AGBL4: variants seen among roughly 807,000 people sequenced by gnomAD.
AGBL4 encodes cytosolic carboxypeptidase 6.
In AGBL4, 58 loss-of-function variants were observed where a neutral mutation model predicts 66.4. The observed-to-expected ratio is 0.87, with a 90% CI of 0.71 to 1.09. The LOEUF (loss-of-function observed/expected upper bound fraction) is 1.09. AGBL4 is among the 50% of genes least tolerant of loss of function. The pLI is 0.00. For missense variants in AGBL4, 579 were observed against 631.0 expected (o/e 0.92, Z 0.88); for synonymous variants, 234 against 222.9 (o/e 1.05, Z -0.44).
At chr1:49,410,305 A>G (rs1645290856) in intron 3 of AGBL4, among the ~76,000 whole-genome samples, 1 of 152,128 alleles carries the variant, frequency 6.6e-6, no homozygotes, top group South Asian at 2.1e-4. Flanking sequence ...ACCTGAAGAC[A>G]ATATGCTCCT....
intron 3 of AGBL4, among the ~76,000 whole-genome samples, chr1:49,314,629 A>G (rs1255096331): frequency 2.6e-5 from 4 of 152,094 alleles, no homozygotes; most frequent in African/African-American, 7.2e-5. Context: ...CCAGTCTATC[A>G]TTGATGAGCA....
intron 3 of AGBL4, among the ~76,000 whole-genome samples, chr1:49,549,841 T>A (rs1460602983): frequency 1.3e-5 from 2 of 152,206 alleles, no homozygotes; most frequent in African/African-American, 4.8e-5. Context: ...CTTTGTTGAT[T>A]TTCTGCCTTG....
intron 11 of AGBL4, among the ~76,000 whole-genome samples, chr1:48,571,864 C>T (rs1007242087): frequency 7.9e-5 from 12 of 152,092 alleles, no homozygotes; most frequent in African/African-American, 2.9e-4. Context: ...CTGGTTGTCC[C>T]TTAACTCAGT....
chr1:50,010,577 G>A (rs1402187219), intron 1 of AGBL4, among the ~76,000 whole-genome samples: 2 of 151,876 alleles, frequency 1.3e-5, no homozygotes, highest in Non-Finnish European at 2.9e-5. Flanking sequence ...ATATGATAGA[G>A]CTATAGTAAC....
intron 1 of AGBL4, among the ~76,000 whole-genome samples, chr1:49,914,182 T>C (rs1651149727): frequency 6.6e-6 from 1 of 152,224 alleles, no homozygotes; most frequent in African/African-American, 2.4e-5. Flanking sequence ...GCTTCCCTTT[T>C]GATTATAAAT....
At chr1:49,870,066 C>T (rs1646801552) in intron 1 of AGBL4, among the ~76,000 whole-genome samples, 1 of 152,072 alleles carries the variant, frequency 6.6e-6, no homozygotes, top group Non-Finnish European at 1.5e-5. Context: ...CAAAATATCA[C>T]ATGTACTTCA....
chr1:50,004,422 G>A (rs1177846066), intron 1 of AGBL4, among the ~76,000 whole-genome samples: 5 of 152,156 alleles, frequency 3.3e-5, no homozygotes, highest in Non-Finnish European at 7.4e-5. Context: ...GAGACACTGT[G>A]AGAAACCAGC....
chr1:49,845,081 G>T (rs1034126912), intron 2 of AGBL4: 8 of 1,452,236 alleles, frequency 5.5e-6, no homozygotes, highest in Non-Finnish European at 7.6e-6. Context: ...CCCTACAAAT[G>T]TCAGGAATGC....
chr1:49,236,228 A>G (rs1202125931), intron 4 of AGBL4, among the ~76,000 whole-genome samples: 2 of 151,850 alleles, frequency 1.3e-5, no homozygotes, highest in Non-Finnish European at 2.9e-5. Context: ...GGGTTTCACC[A>G]TGTTGGCCAG....
chr1:49,822,390 G>T (rs372556133), intron 2 of AGBL4, among the ~76,000 whole-genome samples: 1 of 151,766 alleles, frequency 6.6e-6, no homozygotes, highest in African/African-American at 2.4e-5. Context: ...ATGTAGTGGC[G>T]TGATCTAGGC....
chr1:49,319,791 A>G lies in AGBL4; in HGVS notation c.283-73927T>C, dbSNP rs186472319. Reference sequence around the variant, plus strand: ...TCATCAAATGGCAGAAGGCAAGAGGAAGAAGACAGAGAAAGAGGAGGCTAA... The same window carrying G: ...TCATCAAATGGCAGAAGGCAAGAGGGAGAAGACAGAGAAAGAGGAGGCTAA... On this transcript the variant is annotated intron_variant, in intron 3 of 13. Transcript: ENST00000371839. Among the ~76,000 whole-genome samples the G allele has an allele frequency of 2.3e-4, 35 of 152,316 alleles. No individual in the cohort carries two copies. In the East Asian group the frequency reaches 5.6e-3, roughly 24 times the overall value.
intron 1 of AGBL4, among the ~76,000 whole-genome samples, chr1:49,992,875 A>G (rs1292007986): frequency 6.6e-6 from 1 of 152,226 alleles, no homozygotes; most frequent in Non-Finnish European, 1.5e-5. Flanking sequence ...CTAAGGGAAC[A>G]CACTATAACT....
At chr1:49,444,754 C>T (rs1210757849) in intron 3 of AGBL4, among the ~76,000 whole-genome samples, 6 of 152,084 alleles carry the variant, frequency 3.9e-5, no homozygotes, top group Admixed American at 6.5e-5. Context: ...TTAATTGGAG[C>T]ACACAATCTG....
At chr1:49,216,498 A>T (rs1243810661) in intron 4 of AGBL4, among the ~76,000 whole-genome samples, 1 of 152,190 alleles carries the variant, frequency 6.6e-6, no homozygotes, top group Non-Finnish European at 1.5e-5. Flanking sequence ...TATAAGTGAG[A>T]ACATACAGTA....
intron 1 of AGBL4, among the ~76,000 whole-genome samples, chr1:49,853,784 A>G (rs1571719454): frequency 1.3e-5 from 2 of 152,166 alleles, no homozygotes; most frequent in African/African-American, 4.8e-5. Flanking sequence ...GTAATGATAT[A>G]TTGAAATTAC....
chr1:50,009,573 A>G (rs1374676577), intron 1 of AGBL4, among the ~76,000 whole-genome samples: 3 of 152,182 alleles, frequency 2.0e-5, no homozygotes, highest in Non-Finnish European at 4.4e-5. Flanking sequence ...TGAATAGGGA[A>G]AAACTGAAGG....
chr1:49,973,997 A>C (rs1658357624), intron 1 of AGBL4, among the ~76,000 whole-genome samples: 1 of 152,096 alleles, frequency 6.6e-6, no homozygotes, highest in African/African-American at 2.4e-5. Context: ...TAACTTTTTT[A>C]TTACTATGGC....
chr1:49,885,803 TAAAAC>T (rs1465669463), intron 1 of AGBL4, among the ~76,000 whole-genome samples: 1 of 151,980 alleles, frequency 6.6e-6, no homozygotes, highest in Non-Finnish European at 1.5e-5. Context: ...CTAAAAACAA[TAAAAC>T]AAATAATGAA....
intron 6 of AGBL4, among the ~76,000 whole-genome samples, chr1:48,691,453 G>C (rs1646630920): frequency 6.6e-6 from 1 of 152,078 alleles, no homozygotes; most frequent in African/African-American, 2.4e-5. Flanking sequence ...CTGGAGGAAG[G>C]AAGAGTATTC....
Sources: gnomAD v4.1 joint callset for allele counts (sites outside exome capture counted in the v4.1 genomes callset) on GRCh38, gnomAD v4.1.1 for gene constraint, MANE v1.5 for transcripts, NCBI Gene and HGNC (gene_info 2026-07-23, HGNC 2026-07-21) for gene names.